Variants in RBFOX1 observed in about 807,000 individuals in gnomAD.
The protein encoded by RBFOX1 is RNA binding fox-1 homolog 1, also known as RNA binding protein fox-1 homolog 1.
Under a neutral mutation model 57.7 loss-of-function variants are expected in RBFOX1, and 8 were observed. The observed-to-expected ratio is 0.14, with a 90% CI of 0.08 to 0.25. RBFOX1 has a LOEUF of 0.25. Ranked by LOEUF, RBFOX1 falls within the 10% of genes least tolerant of loss-of-function variation. The probability of loss-of-function intolerance (pLI) is 1.00; values close to 1 mark genes in which losing one functional copy is unlikely to be tolerated. For missense variants in RBFOX1, 611 were observed against 548.5 expected (o/e 1.11, Z -1.14); for synonymous variants, 326 against 222.4 (o/e 1.47, Z -4.15).
At chr16:5,452,421 C>T (rs2068455482) in intron 1 of RBFOX1, among the ~76,000 whole-genome samples, 1 of 151,966 alleles carries the variant, frequency 6.6e-6, no homozygotes, top group Admixed American at 6.6e-5. Flanking sequence ...ATTCATCCCT[C>T]TATTCTGCCT....
intron 2 of RBFOX1, among the ~76,000 whole-genome samples, chr16:6,350,257 A>G (rs1375618730): frequency 1.3e-5 from 2 of 151,698 alleles, no homozygotes; most frequent in East Asian, 3.9e-4. Context: ...ACCAGCATGG[A>G]GAAACCCTGT....
intron 4 of RBFOX1, among the ~76,000 whole-genome samples, chr16:7,183,209 G>A (rs1381683850): frequency 6.6e-6 from 1 of 152,184 alleles, no homozygotes; most frequent in African/African-American, 2.4e-5. Context: ...GGCTGCCTGT[G>A]TCTGAAGGGA....
chr16:5,347,654 A>G (rs1474542086), intron 1 of RBFOX1, among the ~76,000 whole-genome samples: 6 of 130,642 alleles, frequency 4.6e-5, no homozygotes, highest in Non-Finnish European at 9.6e-5. Flanking sequence ...CTACCCATCT[A>G]CCCATCCACC....
chr16:6,757,037 T>C (rs1451181615), intron 3 of RBFOX1, among the ~76,000 whole-genome samples: 3 of 13,654 alleles, frequency 2.2e-4, no homozygotes, highest in African/African-American at 2.4e-4. Context: ...GGCCAACAGG[T>C]ATAAAAAAAA....
intron 4 of RBFOX1, among the ~76,000 whole-genome samples, chr16:7,197,960 C>T (rs1298245305): frequency 3.3e-5 from 5 of 149,864 alleles, no homozygotes; most frequent in South Asian, 2.1e-4. Flanking sequence ...TTTTTTCCCC[C>T]GTTCCACTCA....
intron 1 of RBFOX1, among the ~76,000 whole-genome samples, chr16:6,181,533 T>C (rs957857390): frequency 6.6e-6 from 1 of 152,124 alleles, no homozygotes; most frequent in African/African-American, 2.4e-5. Context: ...GTCCCAAATA[T>C]TTTTCACGTG....
At chr16:7,652,441 T>C (rs1192718753) in intron 11 of RBFOX1, among the ~76,000 whole-genome samples, 4 of 152,212 alleles carry the variant, frequency 2.6e-5, no homozygotes, top group African/African-American at 9.7e-5. Flanking sequence ...AAAGTCTTGC[T>C]GTGTCACTCA....
Position 5,831,473 on chromosome 16 carries a change from TTTA to T in RBFOX1, c.319-35797_319-35795del, listed in dbSNP as rs149535816. On this transcript the variant is annotated intron_variant, in intron 3 of 19. Coordinates refer to the RBFOX1 transcript ENST00000641259. The stretch of plus-strand genomic sequence containing the variant: ...TAAGCCAATTAAACCTCTTTTCTCT[TTTA>T]TTATTATTATTATTATTATTATTAT... 6.6e-3 allele frequency among the ~76,000 whole-genome samples: 940 copies of T among 141,490 alleles called. 3 individuals are homozygous for T. Among genetic ancestry groups the T allele is most frequent in the African/African-American group, 0.014 (557 of 38,426 alleles). 92.8% of individuals were successfully genotyped at this position (141,490 alleles called of 152,430 possible).
chr16:7,595,406 A>G, intron 7 of RBFOX1, 143 bp from the exon 8 acceptor site: 1 of 534,918 alleles, frequency 1.9e-6, no homozygotes, highest in South Asian at 4.4e-5. Context: ...ACATCTCAGT[A>G]CTCTTATAAT....
chr16:6,099,794 A>C (rs2096282941), intron 1 of RBFOX1, among the ~76,000 whole-genome samples: 2 of 152,144 alleles, frequency 1.3e-5, no homozygotes, highest in Non-Finnish European at 2.9e-5. Flanking sequence ...CCCTAACCCA[A>C]CTCCGGGCAT....
intron 2 of RBFOX1, among the ~76,000 whole-genome samples, chr16:5,537,081 G>A (rs139151371): frequency 1.3e-5 from 2 of 152,150 alleles, no homozygotes; most frequent in Non-Finnish European, 2.9e-5. Flanking sequence ...TAGTGTCCAT[G>A]TTTCTTGTAC....
chr16:6,750,079 T>C (rs748727392), intron 3 of RBFOX1, among the ~76,000 whole-genome samples: 1 of 152,134 alleles, frequency 6.6e-6, no homozygotes, highest in Non-Finnish European at 1.5e-5. Context: ...AAGATTTCAG[T>C]CGAGGTGTAT....
At chr16:6,849,657 A>C (rs1406901814) in intron 3 of RBFOX1, among the ~76,000 whole-genome samples, 1 of 152,214 alleles carries the variant, frequency 6.6e-6, no homozygotes, top group Non-Finnish European at 1.5e-5. Flanking sequence ...CAAGAAAGCA[A>C]GACTCCATCT....
chr16:6,947,136 C>G (rs1261117601), intron 3 of RBFOX1, among the ~76,000 whole-genome samples: 2 of 152,302 alleles, frequency 1.3e-5, no homozygotes, highest in East Asian at 3.9e-4. Context: ...TAGCACATAA[C>G]CTGGCCCATG....
At chr16:7,064,620 C>T (rs976085569) in intron 4 of RBFOX1, among the ~76,000 whole-genome samples, 2 of 152,164 alleles carry the variant, frequency 1.3e-5, no homozygotes, top group Non-Finnish European at 2.9e-5. Flanking sequence ...AGACTTCTGG[C>T]CTCCAGCACT....
intron 1 of RBFOX1, among the ~76,000 whole-genome samples, chr16:5,424,684 T>C (rs1235566978): frequency 6.6e-6 from 1 of 152,092 alleles, no homozygotes. Flanking sequence ...TTAACTATTT[T>C]ATTTTAGATT....
At chr16:7,612,062 C>A (rs2057579741) in intron 10 of RBFOX1, among the ~76,000 whole-genome samples, 1 of 152,120 alleles carries the variant, frequency 6.6e-6, no homozygotes, top group African/African-American at 2.4e-5. Context: ...TGGCTCACGC[C>A]TGTAATCCCA....
chr16:6,854,699 G>T (rs553820094), intron 3 of RBFOX1, among the ~76,000 whole-genome samples: 1 of 146,054 alleles, frequency 6.8e-6, no homozygotes, highest in African/African-American at 2.6e-5. Context: ...GGTTCAAGTC[G>T]TTCTCCTGCG....
At chr16:7,083,519 C>G (rs117365397) in intron 4 of RBFOX1, among the ~76,000 whole-genome samples, 1,633 of 152,158 alleles carry the variant, frequency 0.011, 15 homozygotes, top group Non-Finnish European at 0.016. Context: ...TGAAGTATAG[C>G]CTGTGTACAC....
Sources: allele counts gnomAD v4.1 joint callset (sites outside exome capture counted in the v4.1 genomes callset), GRCh38; gene constraint gnomAD v4.1.1; transcripts MANE v1.5; gene names NCBI Gene and HGNC (gene_info 2026-07-23, HGNC 2026-07-21).